The following CDH12 variants were observed in gnomAD, a reference collection of about 807,000 sequenced individuals.
CDH12 encodes cadherin 12, also known as cadherin-12.
In CDH12, 41 loss-of-function variants were observed where a neutral mutation model predicts 74.1. That is an observed-to-expected ratio of 0.55 (90% CI 0.43 to 0.72). The LOEUF is 0.72. Among genes scored for constraint, CDH12 ranks in the 30% least tolerant of loss-of-function variants. CDH12 has a pLI of 0.00. For synonymous variants in CDH12, 399 were observed against 355.0 expected, an observed-to-expected ratio of 1.12 and a Z score of -1.39; for missense variants, 945 against 977.2, an observed-to-expected ratio of 0.97 and a Z score of 0.44.
In CDH12 at chr5:22,840,061, AT is replaced by A. The variant is rs1447747152; in HGVS notation, c.-523+12996del. Among the ~76,000 whole-genome samples, 68 of 152,268 alleles carry A rather than the reference AT, an allele frequency of 4.5e-4. 1 individual carries two copies. In the South Asian group the frequency reaches 7.3e-3, roughly 16 times the overall value. The stretch of plus-strand genomic sequence containing the variant: ...TTTTTCAGTTTTAAAATTCAACCAT[AT>A]TTTTCTTATTATAAGCAAATATATA... On this transcript the variant is annotated intron_variant, in intron 1 of 14. Transcript: ENST00000382254.
intron 3 of CDH12, among the ~76,000 whole-genome samples, chr5:22,334,792 TC>T (rs1739503840): frequency 1.3e-5 from 2 of 152,124 alleles, no homozygotes; most frequent in African/African-American, 4.8e-5. Context: ...AAACTGGATA[TC>T]CATATGCTGA....
At chr5:21,883,467 G>A (rs1752465852) in intron 6 of CDH12, 3 of 1,612,250 alleles carry the variant, frequency 1.9e-6, no homozygotes, top group Non-Finnish European at 2.5e-6. Context: ...TAGGCTAAAG[G>A]TTGGTCTTCA....
intron 4 of CDH12, among the ~76,000 whole-genome samples, chr5:22,117,146 C>T (rs1321965798): frequency 6.6e-6 from 1 of 151,114 alleles, no homozygotes; most frequent in Non-Finnish European, 1.5e-5. Context: ...CTGCAGTACA[C>T]AATGAAAGGT....
chr5:22,550,444 T>A (rs1310755296), intron 1 of CDH12, among the ~76,000 whole-genome samples: 1 of 152,192 alleles, frequency 6.6e-6, no homozygotes, highest in African/African-American at 2.4e-5. Context: ...ATTTCCCATC[T>A]CAATAAATGT....
chr5:21,900,108 A>G (rs1753314610), intron 6 of CDH12, among the ~76,000 whole-genome samples: 1 of 152,172 alleles, frequency 6.6e-6, no homozygotes, highest in South Asian at 2.1e-4. Flanking sequence ...ATTAACATTG[A>G]ATAATTTGGA....
chr5:22,592,093 T>C (rs1736361672), intron 1 of CDH12, among the ~76,000 whole-genome samples: 1 of 152,220 alleles, frequency 6.6e-6, no homozygotes, highest in Non-Finnish European at 1.5e-5. Context: ...TCTTGGATTC[T>C]GCAATAGGTA....
intron 2 of CDH12, among the ~76,000 whole-genome samples, chr5:22,459,780 T>A (rs1477001139): frequency 6.6e-6 from 1 of 151,990 alleles, no homozygotes; most frequent in Admixed American, 6.6e-5. Context: ...TCCTGGTTAA[T>A]ACGGTGAAAC....
At chr5:22,184,019 A>AT (rs991518049) in intron 4 of CDH12, among the ~76,000 whole-genome samples, 2 of 144,150 alleles carry the variant, frequency 1.4e-5, no homozygotes. Context: ...TACCCTAGTG[A>AT]TAAAAAAAAA....
chr5:22,332,733 C>A (rs1413980755), intron 3 of CDH12, among the ~76,000 whole-genome samples: 1 of 152,116 alleles, frequency 6.6e-6, no homozygotes, highest in East Asian at 1.9e-4. Context: ...CATCAATGAT[C>A]ATTAAAGAAA....
chr5:21,794,853 T>TA (rs1746694457), intron 10 of CDH12, among the ~76,000 whole-genome samples: 1 of 151,730 alleles, frequency 6.6e-6, no homozygotes, highest in South Asian at 2.1e-4. Flanking sequence ...TGTTTTTTTT[T>TA]ATGTAGAGCC....
intron 6 of CDH12, among the ~76,000 whole-genome samples, chr5:21,961,504 CA>C (rs1756362762): frequency 3.9e-5 from 6 of 152,048 alleles, no homozygotes; most frequent in Non-Finnish European, 8.8e-5. Context: ...CCAAAAAAAA[CA>C]TATGTTGAAG....
chr5:22,012,464 T>G (rs1737360190), intron 5 of CDH12, among the ~76,000 whole-genome samples: 1 of 152,080 alleles, frequency 6.6e-6, no homozygotes, highest in East Asian at 1.9e-4. Flanking sequence ...TACTTGCAAA[T>G]GATATTTCTT....
At position 22,553,366 on chromosome 5, in the gene CDH12, A is replaced by G. The variant is rs74354607; in HGVS notation, c.-522-48002T>C. Among the ~76,000 whole-genome samples the G allele has an allele frequency of 8.0e-3, 1,224 of 152,258 alleles. 19 individuals are homozygous for G. Among genetic ancestry groups the G allele is most frequent in the African/African-American group, 0.027 (1,142 of 41,546 alleles). On this transcript the variant is annotated intron_variant, in intron 1 of 14. Transcript: ENST00000382254. ...TTTTGGTGTCAAACACTTTGGTGGC[A>G]ACCACTATTTTATTTCAGTATGTAA...
chr5:22,845,256 T>G (rs1265769720), intron 1 of CDH12, among the ~76,000 whole-genome samples: 1 of 152,142 alleles, frequency 6.6e-6, no homozygotes, highest in Non-Finnish European at 1.5e-5. Context: ...ATCCTAACAC[T>G]AATAACATCA....
chr5:21,930,479 G>A (rs575460691), intron 6 of CDH12, among the ~76,000 whole-genome samples: 2 of 152,140 alleles, frequency 1.3e-5, no homozygotes, highest in Admixed American at 1.3e-4. Flanking sequence ...CATGCCTTTT[G>A]GTTAATTCTT....
chr5:22,286,050 T>A (rs1040095749), intron 3 of CDH12, among the ~76,000 whole-genome samples: 2 of 152,170 alleles, frequency 1.3e-5, no homozygotes, highest in African/African-American at 4.8e-5. Context: ...ATTGACAATA[T>A]AAATACTCTT....
intron 3 of CDH12, among the ~76,000 whole-genome samples, chr5:22,293,094 C>G (rs1389860027): frequency 1.3e-5 from 2 of 152,144 alleles, no homozygotes; most frequent in Non-Finnish European, 2.9e-5. Flanking sequence ...CTCTAAAAAC[C>G]CACGTCTGTT....
chr5:21,833,083 A>ATG (rs1160648131), intron 8 of CDH12, among the ~76,000 whole-genome samples: 20 of 46,896 alleles, frequency 4.3e-4, no homozygotes, highest in East Asian at 2.8e-3. Flanking sequence ...TATATATTAT[A>ATG]TTATAAATAT....
intron 4 of CDH12, among the ~76,000 whole-genome samples, chr5:22,169,557 C>G (rs914180209): frequency 2.0e-5 from 3 of 151,928 alleles, no homozygotes; most frequent in Admixed American, 2.0e-4. Context: ...GAGAAAATCA[C>G]ACTTGAAAGA....
Sources: gnomAD v4.1 joint callset for allele counts (sites outside exome capture counted in the v4.1 genomes callset) on GRCh38, gnomAD v4.1.1 for gene constraint, MANE v1.5 for transcripts, NCBI Gene and HGNC (gene_info 2026-07-23, HGNC 2026-07-21) for gene names.